Variants in PDIA6 observed in about 807,000 individuals in gnomAD.
PDIA6 encodes protein disulfide-isomerase A6.
PDIA6 carries 29 observed loss-of-function variants against 58.4 expected under a neutral mutation model. The observed-to-expected ratio is 0.50, with a 90% confidence interval of 0.37 to 0.68. PDIA6 has a LOEUF of 0.68. PDIA6 is among the 30% of genes least tolerant of loss of function. The probability of loss-of-function intolerance (pLI) is 0.00; values close to 1 mark genes in which losing one functional copy is unlikely to be tolerated. For missense variants in PDIA6, 480 were observed against 551.0 expected (o/e 0.87, Z 1.29); for synonymous variants, 192 against 202.6 (o/e 0.95, Z 0.44).
chr2:10,820,165 G>A (rs113860795), intron 1 of PDIA6, among the ~76,000 whole-genome samples: 99 of 152,310 alleles, frequency 6.5e-4, no homozygotes, highest in Middle Eastern at 3.4e-3. Context: ...GGTTAAGAGC[G>A]GAAGTTTAAT....
Position 10,789,729 on chromosome 2 carries a change from AAGC to A in PDIA6, c.840+17_840+19del. On this transcript the variant is annotated intron_variant, in intron 8 of 12. Transcript: ENST00000272227. ...CAGCTAAAAAAGCTTTCTGGACTACAAGCAGTTGAAGTGGTTTACCTCAAGCAG... is the reference window on the plus strand; with the variant it reads ...CAGCTAAAAAAGCTTTCTGGACTACAAGTTGAAGTGGTTTACCTCAAGCAG... 1.9e-6 allele frequency: 3 copies of A among 1,610,112 alleles called. No individual in the cohort carries two copies. Among genetic ancestry groups the A allele is most frequent in the East Asian group, 2.2e-5 (1 of 44,846 alleles).
At chr2:10,816,075 G>GTTTTTT (rs1667182899), upstream of PDIA6, among the ~76,000 whole-genome samples, 1 of 78,090 alleles carries the variant, frequency 1.3e-5, no homozygotes, top group African/African-American at 5.1e-5. Context: ...GAAATCATTT[G>GTTTTTT]TCTTTTTTTT....
intron 1 of PDIA6, among the ~76,000 whole-genome samples, chr2:10,806,622 T>TAAAGAGAAAGAAAGA (rs1207473085): frequency 2.1e-5 from 1 of 48,694 alleles, no homozygotes; most frequent in Non-Finnish European, 6.8e-5. Context: ...TCCTAAAAAA[T>TAAAGAGAAAGAAAGA]AAAGACAGAA....
At position 10,792,649 on chromosome 2, in the gene PDIA6, CCTCT is replaced by C. The variant is rs796974988; in HGVS notation, c.453+443_453+446del. ...AGGGCATCTAAAACACCAATCTGCT[CCTCT>C]CTCTCTCTCTTCTTCCCTATCCATT... is the stretch of plus-strand genomic sequence containing the variant. On this transcript the variant is annotated intron_variant, in intron 5 of 12. Coordinates refer to ENST00000272227, the MANE Select transcript of PDIA6 (RefSeq NM_005742.4). 6.8e-4 allele frequency among the ~76,000 whole-genome samples: 103 copies of C among 151,836 alleles called. 1 individual carries two copies. The highest frequency in any genetic ancestry group is 2.4e-3 in the African/African-American group (99 of 41,486).
intron 1 of PDIA6, chr2:10,810,183 G>A (rs933192499): frequency 2.4e-6 from 2 of 828,996 alleles, no homozygotes; most frequent in South Asian, 1.4e-5. Context: ...TATGTGGTAT[G>A]TGTCATGGTG....
At chr2:10,813,932 C>T (rs1667112104), upstream of PDIA6, among the ~76,000 whole-genome samples, 1 of 151,374 alleles carries the variant, frequency 6.6e-6, no homozygotes, top group Non-Finnish European at 1.5e-5. Flanking sequence ...TCCATATTGG[C>T]CAGGCTGGTC....
intron 1 of PDIA6, 77 bp downstream of exon 1, chr2:10,812,601 C>T (rs1667050796): frequency 7.2e-7 from 1 of 1,383,574 alleles, no homozygotes; most frequent in Non-Finnish European, 9.5e-7. Context: ...CGCGGCCCGC[C>T]GGGGAACGGC....
chr2:10,791,880 C>T lies in PDIA6; in HGVS notation c.499G>A (p.Asp167Asn). Residue 167 changes from aspartate (D) to asparagine (N), a missense_variant, in exon 6 of 13, where the codon GAC becomes AAC. By Grantham distance (23) the Asp-to-Asn change is conservative. Coordinates refer to ENST00000272227, the MANE Select transcript of PDIA6 (RefSeq NM_005742.4). ...SSKKDVIELT[D>N]DSFDKNVLDS... Reference sequence around the variant, plus strand: ...AGAACATTCTTATCAAAGCTGTCGTCTGTCAGCTCAATCACATCCTTCTTA... The same window carrying T: ...AGAACATTCTTATCAAAGCTGTCGTTTGTCAGCTCAATCACATCCTTCTTA... 6.2e-7 allele frequency: 1 copy of T among 1,613,594 alleles called. No homozygotes were observed. Among genetic ancestry groups the T allele is most frequent in the Non-Finnish European group, 8.5e-7 (1 of 1,179,478 alleles).
At position 10,793,191 on chromosome 2, in the gene PDIA6, C is replaced by T. The variant is rs781646985; in HGVS notation, c.358G>A (p.Gly120Ser). The T allele has an allele frequency of 6.2e-7, 1 of 1,612,850 alleles. No individual in the cohort carries two copies. Among genetic ancestry groups the T allele is most frequent in the Non-Finnish European group, 8.5e-7 (1 of 1,179,420 alleles). Residue 120 changes from glycine to serine, a missense_variant, in exon 5 of 13, where the codon GGT becomes AGT. Transcript: ENST00000272227. Reference protein sequence around the residue: ...RPEDYQGGRTGEAIVDAALSA... With the variant: ...RPEDYQGGRTSEAIVDAALSA... ...AGCGCAGCATCTACAATGGCTTCAC[C>T]AGTTCTGCCACCTACAGGAGACGGA...
In PDIA6 at chr2:10,820,945, A is replaced by G. The variant is rs948484503; in HGVS notation, c.-47-1591T>C. On this transcript the variant is annotated intron_variant, in intron 1 of 13. Coordinates refer to the PDIA6 transcript ENST00000381611. ...TAAGAGTCAGGAAGAGGAAGCTGCC[A>G]CTTCAGGACCTGGGTTTGGAAACTG... The G allele has an allele frequency of 1.6e-5, 11 of 685,414 alleles. No homozygotes were observed. In the Admixed American group the frequency reaches 2.2e-4, roughly 14 times the overall value. 42.5% of individuals were successfully genotyped at this position (685,414 alleles called of 1,614,324 possible). A position where few individuals can be genotyped will look rare whatever the true frequency, so the allele number is the denominator to read the frequency against.
At chr2:10,813,699 G>A (rs994127102), upstream of PDIA6, among the ~76,000 whole-genome samples, 1 of 151,868 alleles carries the variant, frequency 6.6e-6, no homozygotes, top group Non-Finnish European at 1.5e-5. Context: ...GCAAAGGCGG[G>A]GTCTTGGCTC....
In PDIA6 at chr2:10,784,976, A is replaced by T; in HGVS notation, c.1212T>A (p.Pro404=). ...CCCAAGGCTCTCTCTCAACGATGGT[A>T]GGGAAAGCCCCGCCTCCTACAGGTG... The part of the protein sequence containing the change: ...STAPVGGGAF[P]TIVEREPWDG... Residue 404 remains proline, a synonymous_variant, in exon 12 of 13, where the codon CCT becomes CCA. Transcript: ENST00000272227. 6.3e-7 allele frequency: 1 copy of T among 1,592,640 alleles called. No homozygotes were observed. Among genetic ancestry groups the T allele is most frequent in the Non-Finnish European group, 8.6e-7 (1 of 1,168,260 alleles).
chr2:10,819,267 T>C (rs1667313005), intron 2 of PDIA6: 2 of 1,502,642 alleles, frequency 1.3e-6, no homozygotes, highest in East Asian at 4.9e-5. Context: ...GAGTTTCCTC[T>C]ACTTACCGGG....
intron 2 of PDIA6, among the ~76,000 whole-genome samples, chr2:10,818,478 TTTAATTTATTTA>T (rs780612533): frequency 0.08 from 9,655 of 120,980 alleles, 566 homozygotes; most frequent in East Asian, 0.25. Flanking sequence ...ACTTTAACCA[TTTAATTTATTTA>T]TTTATTTATT....
chr2:10,822,917 T>C (rs1441046593), intron 1 of PDIA6, among the ~76,000 whole-genome samples: 1 of 152,230 alleles, frequency 6.6e-6, no homozygotes, highest in Non-Finnish European at 1.5e-5. Context: ...GAACCTCCCA[T>C]GATGCCTGGT....
At chr2:10,812,626 C>A in intron 1 of PDIA6, 52 bp downstream of exon 1, 1 of 1,492,122 alleles carries the variant, frequency 6.7e-7, no homozygotes, top group Non-Finnish European at 8.9e-7. Context: ...AGATTCGAAA[C>A]CTTTCAGGCC....
intron 1 of PDIA6, among the ~76,000 whole-genome samples, chr2:10,804,082 GTAT>G (rs1379618405): frequency 2.6e-5 from 4 of 151,598 alleles, no homozygotes; most frequent in African/African-American, 9.7e-5. Context: ...CTAATTTTTT[GTAT>G]TTTTAGTAGA....
At position 10,829,905 on chromosome 2, in the gene PDIA6, A is replaced by G. The variant is rs964186738; in HGVS notation, c.-48+2297T>C. The stretch of plus-strand genomic sequence containing the variant: ...CAGCTTCTCCGTGGCGGCACTGTGA[A>G]GTCCACATGCCTTCGCGAGGTGGCA... On this transcript the variant is annotated intron_variant, in intron 1 of 13. Transcript: ENST00000381611. Among the ~76,000 whole-genome samples, 6 of 152,170 alleles carry G rather than the reference A, an allele frequency of 3.9e-5. No individual in the cohort carries two copies. In the East Asian group the frequency reaches 5.8e-4, roughly 15 times the overall value.
chr2:10,811,857 G>A (rs1667011490), intron 1 of PDIA6, among the ~76,000 whole-genome samples: 1 of 152,202 alleles, frequency 6.6e-6, no homozygotes, highest in Non-Finnish European at 1.5e-5. Flanking sequence ...CTTTTGGAAG[G>A]CACTGTCCCT....
Sources: allele counts gnomAD v4.1 joint callset (sites outside exome capture counted in the v4.1 genomes callset), GRCh38; gene constraint gnomAD v4.1.1; transcripts MANE v1.5; gene names NCBI Gene and HGNC (gene_info 2026-07-23, HGNC 2026-07-21).